Variants in ZMYM5 observed in about 807,000 individuals in gnomAD.
The protein encoded by ZMYM5 is zinc finger MYM-type containing 5, also known as zinc finger MYM-type protein 5.
A neutral mutation model predicts 61.8 loss-of-function variants in ZMYM5; 41 were observed. The ratio of observed to expected loss-of-function variants is 0.66; its 90% confidence interval spans 0.52 to 0.86. ZMYM5 has a LOEUF of 0.86. Ranked by LOEUF, ZMYM5 falls within the 40% of genes least tolerant of loss-of-function variation. The pLI is 0.00. For missense variants in ZMYM5, 706 were observed against 786.7 expected, an observed-to-expected ratio of 0.90 and a Z score of 1.23; for synonymous variants, 257 against 276.4, an observed-to-expected ratio of 0.93 and a Z score of 0.70.
chr13:19,825,145 A>C lies in ZMYM5; in HGVS notation c.1342T>G (p.Ser448Ala). The change falls in exon 8 of 8, where the codon TCG (serine) becomes GCG (alanine). Residue 448 changes from serine (S) to alanine (A), a missense_variant. By Grantham distance (99) the Ser-to-Ala change is moderately conservative. This residue lies in a region of ZMYM5 where 226 missense variants were observed against 325.0 expected (regional missense o/e 0.70). Transcript: ENST00000337963. The part of the protein sequence containing the change: ...REENEKQLYG[S>A]SNTLLKKIEG... Reference sequence around the variant, plus strand: ...ATTTTTTTCAAAAGTGTATTTGACGATCCATATAATTGTTTCTCATTTTCT... The same window carrying C: ...ATTTTTTTCAAAAGTGTATTTGACGCTCCATATAATTGTTTCTCATTTTCT... The C allele has an allele frequency of 2.2e-6, 3 of 1,342,562 alleles. No individual in the cohort carries two copies. Among genetic ancestry groups the C allele is most frequent in the Non-Finnish European group, 3.0e-6 (3 of 1,008,932 alleles). The allele number at this position is 1,342,562 out of a possible 1,614,324, so 83.2% of individuals were successfully genotyped here.
At chr13:19,842,916 TGCCACTGCACTCCG>T (rs1316123438) in intron 4 of ZMYM5, among the ~76,000 whole-genome samples, 4 of 126,420 alleles carry the variant, frequency 3.2e-5, no homozygotes, top group Admixed American at 2.1e-4. Flanking sequence ...GCCAACATCA[TGCCACTGCACTCCG>T]GCCTGGGAGA....
intron 4 of ZMYM5, among the ~76,000 whole-genome samples, chr13:19,849,817 T>C (rs1011430412): frequency 3.3e-5 from 5 of 151,718 alleles, no homozygotes; most frequent in African/African-American, 1.2e-4. Flanking sequence ...CCATCTCTAC[T>C]AAGAATACAA....
chr13:19,837,351 A>T, intron 6 of ZMYM5: 1 of 1,234,894 alleles, frequency 8.1e-7, no homozygotes, highest in Non-Finnish European at 1.0e-6. Context: ...TTGACCCCCA[A>T]CTCTTGAGAC....
chr13:19,831,128 A>AT (rs34690985), intron 7 of ZMYM5, among the ~76,000 whole-genome samples: 95,281 of 136,262 alleles, frequency 0.7, 34,815 homozygotes, highest in East Asian at 0.87. Context: ...CACCCAGCCT[A>AT]TTTTTTTTTT....
At chr13:19,851,503 C>T in intron 3 of ZMYM5, 55 bp from the exon 4 acceptor site, 2 of 1,592,372 alleles carry the variant, frequency 1.3e-6, no homozygotes, top group Non-Finnish European at 1.7e-6. Flanking sequence ...AATTACTTGA[C>T]TGAAGTCCTT....
Position 19,837,647 on chromosome 13 carries a change from A to T in ZMYM5, c.1038+9T>A, listed in dbSNP as rs756899683. On this transcript the variant is annotated intron_variant, in intron 6 of 7. Transcript: ENST00000337963. ...GCCTAAACAACAACTTAGGTATAAA[A>T]ATCCAGACCTCTGCTAATTTACTAC... The T allele has an allele frequency of 6.3e-7, 1 of 1,593,660 alleles. No homozygotes were observed. The highest frequency in any genetic ancestry group is 2.2e-5 in the East Asian group (1 of 44,528).
At chr13:19,844,682 C>T (rs1310518236) in intron 4 of ZMYM5, among the ~76,000 whole-genome samples, 3 of 152,102 alleles carry the variant, frequency 2.0e-5, no homozygotes, top group African/African-American at 4.8e-5. Context: ...AGTGCAGTGG[C>T]GCAATATCGG....
At chr13:19,843,204 A>T (rs1296673149) in intron 4 of ZMYM5, among the ~76,000 whole-genome samples, 1 of 149,004 alleles carries the variant, frequency 6.7e-6, no homozygotes, top group South Asian at 2.1e-4. Flanking sequence ...TGCAACCTCC[A>T]CCTCCCAGGT....
In ZMYM5 at chr13:19,825,144, G is replaced by A. The variant is rs79168391; in HGVS notation, c.1343C>T (p.Ser448Leu). The A allele has an allele frequency of 3.9e-5, 53 of 1,344,024 alleles. No homozygotes were observed. In the East Asian group the frequency reaches 1.3e-3, roughly 34 times the overall value. 83.3% of individuals were successfully genotyped at this position (1,344,024 alleles called of 1,614,324 possible). Reference protein sequence around the residue: ...REENEKQLYGSSNTLLKKIEG... With the variant: ...REENEKQLYGLSNTLLKKIEG... The stretch of plus-strand genomic sequence containing the variant: ...TATTTTTTTCAAAAGTGTATTTGAC[G>A]ATCCATATAATTGTTTCTCATTTTC... The change falls in exon 8 of 8, where the codon TCG (serine) becomes TTG (leucine). Residue 448 changes from serine (S) to leucine (L), a missense_variant. Coordinates refer to ENST00000337963, the MANE Select transcript of ZMYM5 (RefSeq NM_001142684.2).
intron 4 of ZMYM5, among the ~76,000 whole-genome samples, chr13:19,850,916 T>C (rs1953266541): frequency 6.6e-6 from 1 of 152,132 alleles, no homozygotes; most frequent in Non-Finnish European, 1.5e-5. Context: ...TATCTTAATA[T>C]GAAAGTCAAA....
chr13:19,831,942 G>A (rs549205373), intron 7 of ZMYM5, among the ~76,000 whole-genome samples: 7 of 146,406 alleles, frequency 4.8e-5, no homozygotes, highest in South Asian at 4.6e-4. Flanking sequence ...TGCAACCTCC[G>A]CCTCCCAGGT....
intron 2 of ZMYM5, among the ~76,000 whole-genome samples, chr13:19,860,470 G>GTGTGTGTGTA (rs71070254): frequency 2.8e-3 from 377 of 136,364 alleles, no homozygotes; most frequent in Non-Finnish European, 4.1e-3. Context: ...GTGTGTGTGT[G>GTGTGTGTGTA]TATTTTTTTT....
intron 7 of ZMYM5, among the ~76,000 whole-genome samples, chr13:19,833,719 AC>A (rs1261716427): frequency 1.3e-5 from 2 of 152,226 alleles, no homozygotes; most frequent in Non-Finnish European, 2.9e-5. Flanking sequence ...ATACACAAAA[AC>A]TATTAATCAC....
At chr13:19,859,889 A>C (rs1309048577) in intron 2 of ZMYM5, among the ~76,000 whole-genome samples, 1 of 150,584 alleles carries the variant, frequency 6.6e-6, no homozygotes, top group Non-Finnish European at 1.5e-5. Flanking sequence ...CGGATCACTT[A>C]GGTCAGGAGT....
At chr13:19,844,996 A>G (rs1477628435) in intron 4 of ZMYM5, among the ~76,000 whole-genome samples, 1 of 152,218 alleles carries the variant, frequency 6.6e-6, no homozygotes, top group East Asian at 1.9e-4. Context: ...CACATGCTTT[A>G]AAAATATGTT....
At chr13:19,842,914 CAT>C (rs1952927501) in intron 4 of ZMYM5, among the ~76,000 whole-genome samples, 1 of 127,592 alleles carries the variant, frequency 7.8e-6, no homozygotes, top group South Asian at 2.7e-4. Context: ...GAGCCAACAT[CAT>C]GCCACTGCAC....
chr13:19,847,286 TAAC>T (rs1201301582), intron 4 of ZMYM5, among the ~76,000 whole-genome samples: 1 of 152,128 alleles, frequency 6.6e-6, no homozygotes, highest in African/African-American at 2.4e-5. Flanking sequence ...TCCCACATTG[TAAC>T]AACCTCGAAA....
At chr13:19,839,850 A>G (rs1223971001) in intron 4 of ZMYM5, among the ~76,000 whole-genome samples, 3 of 152,200 alleles carry the variant, frequency 2.0e-5, no homozygotes, top group Non-Finnish European at 4.4e-5. Flanking sequence ...ATCAGGCATT[A>G]ATATAGATTG....
Position 19,837,859 on chromosome 13 carries a change from T to C in ZMYM5, c.873-38A>G, listed in dbSNP as rs763966815. The C allele has an allele frequency of 3.9e-6, 6 of 1,557,500 alleles. No individual in the cohort carries two copies. In the Admixed American group the frequency reaches 9.4e-5, roughly 24 times the overall value. On this transcript the variant is annotated intron_variant, in intron 5 of 7. Transcript: ENST00000337963. ...GGATAGACACATAATTTAAGAACAC[T>C]GAATTTTAATACAAGTCAAATATAT...
Sources: gnomAD v4.1 joint callset for allele counts (sites outside exome capture counted in the v4.1 genomes callset) on GRCh38, gnomAD v4.1.1 for gene constraint, gnomAD v4.1.1 regional missense constraint, MANE v1.5 for transcripts, NCBI Gene and HGNC (gene_info 2026-07-23, HGNC 2026-07-21) for gene names.